MAPKAPK3: variants seen among roughly 807,000 people sequenced by gnomAD.
MAPKAPK3 encodes MAPK activated protein kinase 3, also known as MAP kinase-activated protein kinase 3.
Under a neutral mutation model 49.2 loss-of-function variants are expected in MAPKAPK3, and 35 were observed. The ratio of observed to expected loss-of-function variants is 0.71; its 90% confidence interval spans 0.54 to 0.94. The LOEUF is 0.94. Among genes scored for constraint, MAPKAPK3 ranks in the 40% least tolerant of loss-of-function variants. The pLI is 0.00. For missense variants in MAPKAPK3, 398 were observed against 493.1 expected (o/e 0.81, Z 1.83); for synonymous variants, 178 against 188.7 (o/e 0.94, Z 0.46).
chr3:50,613,344 G>A (rs2032384773), upstream of MAPKAPK3, among the ~76,000 whole-genome samples: 2 of 152,236 alleles, frequency 1.3e-5, no homozygotes, highest in Non-Finnish European at 2.9e-5. Flanking sequence ...TTAAGTTTCA[G>A]ATTTCAGGGC....
upstream of MAPKAPK3, among the ~76,000 whole-genome samples, chr3:50,616,798 G>A (rs1323886719): frequency 6.6e-6 from 1 of 152,088 alleles, no homozygotes; most frequent in Non-Finnish European, 1.5e-5. Context: ...ACCTGGCAGC[G>A]TGCAGAGCAA....
chr3:50,613,350 A>G (rs1360353369), upstream of MAPKAPK3, among the ~76,000 whole-genome samples: 1 of 152,248 alleles, frequency 6.6e-6, no homozygotes, highest in African/African-American at 2.4e-5. Context: ...TTCAGATTTC[A>G]GGGCAGTCAC....
chr3:50,625,793 C>G (rs2032723511), intron 2 of MAPKAPK3, among the ~76,000 whole-genome samples: 1 of 152,178 alleles, frequency 6.6e-6, no homozygotes, highest in Admixed American at 6.5e-5. Flanking sequence ...TGTTTCAGGC[C>G]TCATGGCCTC....
chr3:50,622,076 C>T (rs2032623695), intron 2 of MAPKAPK3, among the ~76,000 whole-genome samples: 1 of 152,202 alleles, frequency 6.6e-6, no homozygotes, highest in African/African-American at 2.4e-5. Flanking sequence ...GGGCTGCTGC[C>T]TCTGGGACAG....
intron 2 of MAPKAPK3, among the ~76,000 whole-genome samples, chr3:50,638,886 G>A (rs991583092): frequency 6.6e-6 from 1 of 152,258 alleles, no homozygotes; most frequent in African/African-American, 2.4e-5. Flanking sequence ...CCGAGCCCCG[G>A]TCTTGAGCAT....
At chr3:50,619,059 G>C (rs1388523442) in intron 2 of MAPKAPK3, among the ~76,000 whole-genome samples, 1 of 152,194 alleles carries the variant, frequency 6.6e-6, no homozygotes, top group Non-Finnish European at 1.5e-5. Flanking sequence ...TCCTGTGTTT[G>C]CCAGTTTCAT....
intron 2 of MAPKAPK3, among the ~76,000 whole-genome samples, chr3:50,631,832 A>G (rs1328216332): frequency 1.3e-5 from 2 of 152,236 alleles, no homozygotes; most frequent in Admixed American, 1.3e-4. Context: ...CATTCTCTAC[A>G]GTTTTGCTGC....
chr3:50,646,830 G>T lies in MAPKAPK3; in HGVS notation c.915+5G>T, dbSNP rs780540315. ...ATGAACCACCCCTGGATCAACGTGA[G>T]CCCCTCCTCCTCCCATGGCAGGCAG... On this transcript the variant is annotated splice_donor_5th_base_variant and intron_variant, in intron 9 of 10. Transcript: ENST00000621469. 3 of 1,613,864 alleles carry T rather than the reference G, an allele frequency of 1.9e-6. No individual in the cohort carries two copies. The highest frequency in any genetic ancestry group is 2.5e-6 in the Non-Finnish European group (3 of 1,179,842).
intron 2 of MAPKAPK3, among the ~76,000 whole-genome samples, chr3:50,619,549 C>T (rs1470212347): frequency 1.3e-5 from 2 of 152,178 alleles, no homozygotes; most frequent in African/African-American, 2.4e-5. Flanking sequence ...TTTCATCCCC[C>T]TCTGGGCACT....
chr3:50,617,850 G>A, intron 2 of MAPKAPK3, 66 bp downstream of exon 2: 2 of 1,249,662 alleles, frequency 1.6e-6, no homozygotes, highest in Non-Finnish European at 2.3e-6. Context: ...TGTGAGTGAA[G>A]CTATGTCTAG....
chr3:50,641,771 G>T lies in MAPKAPK3; in HGVS notation c.424G>T (p.Glu142Ter), dbSNP rs1282787052. Residue 142 changes from glutamate (E) to a stop codon, truncating the protein, a stop_gained and splice_region_variant, in exon 4 of 11, where the codon GAA (glutamate) becomes TAA (stop). Transcript: ENST00000621469. LOFTEE classifies it high-confidence loss of function. ...TGGCGACCAGGCTTTCACTGAGAGA[G>T]GTATGTGCATGTAGCTGGACCAGCA... ...ERGDQAFTEREAAEIMRDIGT... is the reference protein window; with the variant it reads ...ERGDQAFTER 6.2e-7 allele frequency: 1 copy of T among 1,613,882 alleles called. No individual in the cohort carries two copies. The highest frequency in any genetic ancestry group is 8.5e-7 in the Non-Finnish European group (1 of 1,179,744).
rs1025909044 is a variant in MAPKAPK3, at chr3:50,648,994, C to T, written c.*948C>T. On this transcript the variant is annotated 3_prime_UTR_variant, in exon 11 of 11. Coordinates refer to ENST00000621469, the MANE Select transcript of MAPKAPK3 (RefSeq NM_001243925.2). ...TTAACCTGAGGTCTCTTTCTTTACT[C>T]TGGGTCAGACCTGAGGTTGGGGAAG... 3.3e-5 allele frequency: 5 copies of T among 152,236 alleles called. No individual in the cohort carries two copies. Among genetic ancestry groups the T allele is most frequent in the African/African-American group, 1.2e-4 (5 of 41,450 alleles). 9.4% of individuals were successfully genotyped at this position (152,236 alleles called of 1,614,324 possible).
intron 9 of MAPKAPK3, 66 bp from the exon 10 acceptor site, chr3:50,647,057 T>G: frequency 7.4e-7 from 1 of 1,348,176 alleles, no homozygotes; most frequent in Non-Finnish European, 1.0e-6. Flanking sequence ...GAGGATGGAG[T>G]AGGGGGAACC....
At chr3:50,636,068 G>C (rs1456194674) in intron 2 of MAPKAPK3, among the ~76,000 whole-genome samples, 2 of 151,830 alleles carry the variant, frequency 1.3e-5, no homozygotes, top group Non-Finnish European at 2.9e-5. Context: ...CTGTGACTGT[G>C]TCACTGCACT....
Position 50,640,480 on chromosome 3 carries a change from C to T in MAPKAPK3, c.334C>T (p.Arg112Cys), listed in dbSNP as rs200955406. 29 of 1,613,338 alleles carry T rather than the reference C, an allele frequency of 1.8e-5. No individual in the cohort carries two copies. Among genetic ancestry groups the T allele is most frequent in the South Asian group, 2.2e-5 (2 of 91,050 alleles). The change falls in exon 3 of 11, where the codon CGC becomes TGC. Residue 112 changes from arginine (R) to cysteine (C), a missense_variant. By Grantham distance (180) the Arg-to-Cys change is radical (BLOSUM62 -3). This residue lies in a region of MAPKAPK3 where 52 missense variants were observed against 91.9 expected (regional missense o/e 0.57). Transcript: ENST00000621469. ...DVYENMHHGKRCLLIIMECME... is the reference protein window; with the variant it reads ...DVYENMHHGKCCLLIIMECME... ...GTATGAGAACATGCACCATGGCAAG[C>T]GCTGTCTCCTCATCATCATGGAATG...
intron 5 of MAPKAPK3, 71 bp downstream of exon 5, chr3:50,642,403 A>C: frequency 2.6e-6 from 3 of 1,147,476 alleles, no homozygotes; most frequent in Non-Finnish European, 3.9e-6. Context: ...CCCTGATGGC[A>C]TCCAGGACCC....
rs1407028221 is a variant in MAPKAPK3, at chr3:50,647,885, T to G, written c.997-9T>G. 6.2e-7 allele frequency: 1 copy of G among 1,609,884 alleles called. No homozygotes were observed. Among genetic ancestry groups the G allele is most frequent in the Non-Finnish European group, 8.5e-7 (1 of 1,178,286 alleles). On this transcript the variant is annotated splice_polypyrimidine_tract_variant and intron_variant, in intron 10 of 10. Coordinates refer to ENST00000621469, the MANE Select transcript of MAPKAPK3 (RefSeq NM_001243925.2). ...ACCTCTTAGTGCCCACCATCCTGTC[T>G]GTCCCCAGGAGGAGATGACCAGTGC...
upstream of MAPKAPK3, among the ~76,000 whole-genome samples, chr3:50,614,935 T>C (rs1356312823): frequency 6.6e-6 from 1 of 152,230 alleles, no homozygotes; most frequent in African/African-American, 2.4e-5. Context: ...GTTTTACTTA[T>C]GCAACTTAAA....
At chr3:50,639,168 A>G (rs1419629395) in intron 2 of MAPKAPK3, among the ~76,000 whole-genome samples, 1 of 152,084 alleles carries the variant, frequency 6.6e-6, no homozygotes, top group Non-Finnish European at 1.5e-5. Flanking sequence ...GCTGGGATGC[A>G]CCCTGTGGGG....
Sources: allele counts gnomAD v4.1 joint callset (sites outside exome capture counted in the v4.1 genomes callset), GRCh38; gene constraint gnomAD v4.1.1; regional missense constraint gnomAD v4.1.1; transcripts MANE v1.5; gene names NCBI Gene and HGNC (gene_info 2026-07-23, HGNC 2026-07-21).